Variants in RALYL observed in about 807,000 individuals in gnomAD.
RALYL encodes the protein RALY RNA binding protein like.
A neutral mutation model predicts 35.1 loss-of-function variants in RALYL; 29 were observed. That is an observed-to-expected ratio of 0.83 (90% CI 0.61 to 1.13). The LOEUF is 1.13. Among genes scored for constraint, RALYL ranks in the 50% most tolerant of loss-of-function variants. The pLI, the probability that RALYL is intolerant of heterozygous loss-of-function variation, is 0.00. For missense variants in RALYL, 359 were observed against 360.4 expected, an observed-to-expected ratio of 1.00 and a Z score of 0.03; for synonymous variants, 120 against 127.6, an observed-to-expected ratio of 0.94 and a Z score of 0.40.
chr8:84,648,131 C>A (rs1178100033), intron 2 of RALYL, among the ~76,000 whole-genome samples: 1 of 152,100 alleles, frequency 6.6e-6, no homozygotes, highest in African/African-American at 2.4e-5. Flanking sequence ...CACACACACA[C>A]ACACGACATT....
chr8:84,372,098 C>T (rs1361956377), intron 1 of RALYL, among the ~76,000 whole-genome samples: 2 of 152,034 alleles, frequency 1.3e-5, no homozygotes, highest in African/African-American at 2.4e-5. Flanking sequence ...AAAAACCATA[C>T]TAGGGGCTTC....
At chr8:84,282,705 C>CAT (rs1237162436) in intron 1 of RALYL, among the ~76,000 whole-genome samples, 1 of 132,796 alleles carries the variant, frequency 7.5e-6, no homozygotes, top group African/African-American at 2.9e-5. Flanking sequence ...AACGTGTGTA[C>CAT]ATATATATGT....
chr8:84,746,213 T>C (rs1480056845), intron 2 of RALYL, among the ~76,000 whole-genome samples: 1 of 151,994 alleles, frequency 6.6e-6, no homozygotes, highest in Admixed American at 6.6e-5. Context: ...ATGTAAAAAA[T>C]AGCAAAAACA....
chr8:84,746,969 A>T (rs1242332382), intron 2 of RALYL, among the ~76,000 whole-genome samples: 1 of 150,772 alleles, frequency 6.6e-6, no homozygotes, highest in Non-Finnish European at 1.5e-5. Flanking sequence ...CAAATTAATG[A>T]TCACATATTT....
At chr8:84,390,189 A>T (rs1860309202) in intron 1 of RALYL, among the ~76,000 whole-genome samples, 1 of 152,158 alleles carries the variant, frequency 6.6e-6, no homozygotes, top group African/African-American at 2.4e-5. Flanking sequence ...CCTGGGATGA[A>T]GCCCACTTGA....
At chr8:84,756,465 A>G (rs1390919246) in intron 2 of RALYL, among the ~76,000 whole-genome samples, 1 of 152,118 alleles carries the variant, frequency 6.6e-6, no homozygotes, top group African/African-American at 2.4e-5. Context: ...TACAATTGAA[A>G]AATGTTGATT....
At chr8:84,255,841 A>C (rs1586583891) in intron 1 of RALYL, among the ~76,000 whole-genome samples, 1 of 152,304 alleles carries the variant, frequency 6.6e-6, no homozygotes, top group South Asian at 2.1e-4. Context: ...GAAATGAATG[A>C]ATGAATGAGA....
At chr8:84,585,313 C>A (rs1811745700) in intron 2 of RALYL, among the ~76,000 whole-genome samples, 2 of 152,188 alleles carry the variant, frequency 1.3e-5, no homozygotes, top group South Asian at 4.1e-4. Flanking sequence ...TGGGAAAAGT[C>A]TAATTCAGTG....
intron 2 of RALYL, among the ~76,000 whole-genome samples, chr8:84,765,443 G>C (rs1813690270): frequency 6.6e-6 from 1 of 152,116 alleles, no homozygotes; most frequent in Non-Finnish European, 1.5e-5. Context: ...CGTGGGCTTT[G>C]CTCAATAGGA....
rs187438488 is a variant in RALYL at position 84,353,129 on chromosome 8, A to G, written c.-24+168705A>G. ...CAGATACAATCATATTAACATATACATACACAGTCCCTCCCATGTTACTGT... is the reference window on the plus strand; with the variant it reads ...CAGATACAATCATATTAACATATACGTACACAGTCCCTCCCATGTTACTGT... On this transcript the variant is annotated intron_variant, in intron 1 of 8. Coordinates refer to ENST00000521268, the MANE Select transcript of RALYL (RefSeq NM_173848.7). 1.6e-3 allele frequency among the ~76,000 whole-genome samples: 233 copies of G among 150,232 alleles called. 7 individuals carry two copies. Among genetic ancestry groups the G allele is most frequent in the South Asian group, 7.1e-3 (34 of 4,800 alleles).
intron 1 of RALYL, among the ~76,000 whole-genome samples, chr8:84,270,553 CGTGT>C (rs34047869): frequency 0.026 from 3,826 of 147,346 alleles, 68 homozygotes; most frequent in Non-Finnish European, 0.04. Context: ...ACATGAAATT[CGTGT>C]GTGTGTGTGT....
chr8:84,460,877 C>T (rs1675867359), intron 1 of RALYL, among the ~76,000 whole-genome samples: 1 of 151,066 alleles, frequency 6.6e-6, no homozygotes, highest in Admixed American at 6.6e-5. Flanking sequence ...GAAATATATT[C>T]AAAATAATGA....
intron 1 of RALYL, among the ~76,000 whole-genome samples, chr8:84,379,614 G>A (rs777331185): frequency 1.3e-5 from 2 of 151,476 alleles, no homozygotes; most frequent in Admixed American, 6.6e-5. Flanking sequence ...CTAATAGGGT[G>A]GACCAAGTTT....
rs536441483 is a variant in RALYL, at chr8:84,334,562, T to G, written c.-24+150138T>G. ...TATTAAAGTAAATTAAAATTGTAAC[T>G]TAACATTTAATATTATGTGTAATTA... On this transcript the variant is annotated intron_variant, in intron 1 of 8. Transcript: ENST00000521268. Among the ~76,000 whole-genome samples the G allele has an allele frequency of 7.3e-5, 11 of 151,652 alleles. No homozygotes were observed. In the South Asian group the frequency reaches 1.2e-3, roughly 17 times the overall value.
intron 3 of RALYL, among the ~76,000 whole-genome samples, chr8:84,790,785 G>A (rs565972321): frequency 6.6e-6 from 1 of 152,200 alleles, no homozygotes; most frequent in Non-Finnish European, 1.5e-5. Context: ...ACAGAAAATA[G>A]AAGTGAGATC....
intron 2 of RALYL, among the ~76,000 whole-genome samples, chr8:84,633,155 T>G (rs1824290073): frequency 6.6e-6 from 1 of 151,852 alleles, no homozygotes; most frequent in Non-Finnish European, 1.5e-5. Flanking sequence ...TATTAAAATG[T>G]TAAGAGGCTG....
intron 1 of RALYL, among the ~76,000 whole-genome samples, chr8:84,481,366 G>GT (rs2054020860): frequency 6.6e-6 from 1 of 152,094 alleles, no homozygotes; most frequent in Non-Finnish European, 1.5e-5. Flanking sequence ...ATCTTGATCT[G>GT]TTACCCAGGC....
At chr8:84,203,440 C>T (rs1817375567) in intron 1 of RALYL, among the ~76,000 whole-genome samples, 1 of 152,036 alleles carries the variant, frequency 6.6e-6, no homozygotes, top group South Asian at 2.1e-4. Context: ...GGGGTGTTCT[C>T]CCATCATGTT....
At chr8:84,247,031 T>C (rs1472187910) in intron 1 of RALYL, among the ~76,000 whole-genome samples, 1 of 152,164 alleles carries the variant, frequency 6.6e-6, no homozygotes, top group African/African-American at 2.4e-5. Flanking sequence ...TGCATATACC[T>C]GTAACATAAG....
Sources: allele counts gnomAD v4.1 joint callset (sites outside exome capture counted in the v4.1 genomes callset), GRCh38; gene constraint gnomAD v4.1.1; transcripts MANE v1.5; gene names NCBI Gene and HGNC (gene_info 2026-07-23, HGNC 2026-07-21).